Variants in ATP6V1E1 observed in about 807,000 individuals in gnomAD.
ATP6V1E1 encodes the protein ATPase H+ transporting V1 subunit E1, also known as V-type proton ATPase subunit E 1.
ATP6V1E1 carries 21 observed loss-of-function variants against 35.2 expected under a neutral mutation model. That is an observed-to-expected ratio of 0.60 (90% CI 0.42 to 0.86). ATP6V1E1 has a LOEUF of 0.86. Ranked by LOEUF, ATP6V1E1 falls within the 40% of genes least tolerant of loss-of-function variation. The pLI is 0.00. For missense variants in ATP6V1E1, 183 were observed against 272.6 expected, an observed-to-expected ratio of 0.67 and a Z score of 2.32; for synonymous variants, 83 against 87.8, an observed-to-expected ratio of 0.95 and a Z score of 0.30.
At chr22:17,622,051 T>C (rs1420288268) in intron 1 of ATP6V1E1, among the ~76,000 whole-genome samples, 1 of 152,170 alleles carries the variant, frequency 6.6e-6, no homozygotes, top group African/African-American at 2.4e-5. Context: ...ATATAAAATA[T>C]ACCCAAGTAA....
intron 1 of ATP6V1E1, among the ~76,000 whole-genome samples, 194 bp downstream of exon 1, chr22:17,628,409 A>G (rs568583515): frequency 2.4e-4 from 37 of 152,352 alleles, no homozygotes; most frequent in Non-Finnish European, 5.9e-5. Context: ...AGTGCCCAAG[A>G]CCCGAGCAAA....
chr22:17,600,233 G>A lies in ATP6V1E1; in HGVS notation c.367-138C>T, dbSNP rs60335616. ...GCGGATTGCCTGAGCTCAGAAGTTC[G>A]AGACCAGCCTAGGCAACAAGGCAAA... On this transcript the variant is annotated intron_variant, in intron 5 of 8. Transcript: ENST00000253413. 0.014 allele frequency: 9,511 copies of A among 691,122 alleles called. 655 individuals are homozygous for A. In the African/African-American group the frequency reaches 0.15, roughly 11 times the overall value. The allele number at this position is 691,122 out of a possible 1,614,324, so 42.8% of individuals were successfully genotyped here.
intron 4 of ATP6V1E1, among the ~76,000 whole-genome samples, chr22:17,605,693 CTTTTTTTTTTTT>C (rs3044548): frequency 9.6e-6 from 1 of 103,998 alleles, no homozygotes; most frequent in Middle Eastern, 6.5e-3. Flanking sequence ...AGATGTTTCT[CTTTTTTTTTTTT>C]TTTTTTTTTT....
intron 4 of ATP6V1E1, among the ~76,000 whole-genome samples, chr22:17,602,380 CT>C (rs35255555): frequency 8.1e-5 from 12 of 147,272 alleles, no homozygotes; most frequent in Admixed American, 4.1e-4. Context: ...AAACTCAAGG[CT>C]TTTTTTTTTC....
Position 17,594,509 on chromosome 22 carries a change from A to G in ATP6V1E1, c.618+20T>C. 1.3e-6 allele frequency: 2 copies of G among 1,524,120 alleles called. No individual in the cohort carries two copies. The highest frequency in any genetic ancestry group is 1.8e-6 in the Non-Finnish European group (2 of 1,133,176). 94.4% of individuals were successfully genotyped at this position (1,524,120 alleles called of 1,614,324 possible). On this transcript the variant is annotated intron_variant, in intron 8 of 8. Transcript: ENST00000253413. Reference sequence around the variant, plus strand: ...CAAAGTAACAGCAGACCAACTACCAAGAAGTACCCCCACACTCACCTGCTG... The same window carrying G: ...CAAAGTAACAGCAGACCAACTACCAGGAAGTACCCCCACACTCACCTGCTG...
At chr22:17,601,620 T>A (rs1169175730) in intron 4 of ATP6V1E1, among the ~76,000 whole-genome samples, 1 of 152,250 alleles carries the variant, frequency 6.6e-6, no homozygotes, top group Admixed American at 6.5e-5. Flanking sequence ...TGTTTGTTTG[T>A]TTTTGAGATG....
At chr22:17,606,674 C>T (rs1027998763) in intron 4 of ATP6V1E1, among the ~76,000 whole-genome samples, 5 of 152,184 alleles carry the variant, frequency 3.3e-5, no homozygotes, top group East Asian at 3.8e-4. Flanking sequence ...GAACAGGCCA[C>T]GCACGCTGCC....
chr22:17,605,357 C>T (rs1186236887), intron 4 of ATP6V1E1, among the ~76,000 whole-genome samples: 3 of 151,692 alleles, frequency 2.0e-5, no homozygotes, highest in East Asian at 1.9e-4. Flanking sequence ...ATGGAAAAAC[C>T]CCATCTCTTC....
chr22:17,625,334 C>T (rs973675206), intron 1 of ATP6V1E1, among the ~76,000 whole-genome samples: 5 of 152,110 alleles, frequency 3.3e-5, no homozygotes, highest in African/African-American at 1.2e-4. Context: ...GGCATGATCT[C>T]GGCTTGCTGC....
At chr22:17,623,757 G>A (rs1235826062) in intron 1 of ATP6V1E1, among the ~76,000 whole-genome samples, 1 of 152,090 alleles carries the variant, frequency 6.6e-6, no homozygotes, top group East Asian at 1.9e-4. Flanking sequence ...ATTCGGACCT[G>A]GATTATCTGC....
chr22:17,624,671 A>C (rs996379350), intron 1 of ATP6V1E1, among the ~76,000 whole-genome samples: 2 of 152,044 alleles, frequency 1.3e-5, no homozygotes, highest in African/African-American at 4.8e-5. Flanking sequence ...ATACAAAAAA[A>C]TTATCCGGGT....
intron 4 of ATP6V1E1, among the ~76,000 whole-genome samples, chr22:17,607,893 T>C (rs1406321346): frequency 6.6e-6 from 1 of 152,170 alleles, no homozygotes; most frequent in African/African-American, 2.4e-5. Context: ...ATGAAGTCCA[T>C]ATTCTTCAGC....
At chr22:17,623,656 C>CAA (rs11410655) in intron 1 of ATP6V1E1, among the ~76,000 whole-genome samples, 47 of 111,896 alleles carry the variant, frequency 4.2e-4, no homozygotes, top group East Asian at 1.5e-3. Flanking sequence ...GACTCTGTCT[C>CAA]AAAAAAAAAA....
Position 17,594,497 on chromosome 22 carries a change from G to A in ATP6V1E1, c.618+32C>T, listed in dbSNP as rs759548608. 4 of 1,475,524 alleles carry A rather than the reference G, an allele frequency of 2.7e-6. No individual in the cohort carries two copies. The Admixed American group carries it at 7.3e-5, about 27-fold the overall frequency. 91.4% of individuals were successfully genotyped at this position (1,475,524 alleles called of 1,614,324 possible). A position where few individuals can be genotyped will look rare whatever the true frequency, so the allele number is the denominator to read the frequency against. On this transcript the variant is annotated intron_variant, in intron 8 of 8. Transcript: ENST00000253413. ...TCTGTCCCACTTCAAAGTAACAGCAGACCAACTACCAAGAAGTACCCCCAC... is the reference window on the plus strand; with the variant it reads ...TCTGTCCCACTTCAAAGTAACAGCAAACCAACTACCAAGAAGTACCCCCAC...
At chr22:17,600,462 A>T (rs1057005843) in intron 5 of ATP6V1E1, among the ~76,000 whole-genome samples, 3 of 152,116 alleles carry the variant, frequency 2.0e-5, no homozygotes, top group African/African-American at 7.2e-5. Context: ...AATAAAATAA[A>T]GCAACAGTAA....
intron 2 of ATP6V1E1, among the ~76,000 whole-genome samples, chr22:17,614,416 G>T (rs541075537): frequency 6.6e-6 from 1 of 152,070 alleles, no homozygotes; most frequent in East Asian, 1.9e-4. Context: ...CAGCACTTTG[G>T]GGGGCTGAGG....
intron 1 of ATP6V1E1, among the ~76,000 whole-genome samples, chr22:17,623,288 ATCAGCTCCACAAATTTGGGAGT>A (rs1405083598): frequency 1.3e-5 from 2 of 152,202 alleles, no homozygotes; most frequent in Non-Finnish European, 2.9e-5. Flanking sequence ...TGCTTAAAAG[ATCAGCTCCACAAATTTGGGAGT>A]ATGGAGAGGG....
At chr22:17,622,544 T>C (rs1047471485) in intron 1 of ATP6V1E1, among the ~76,000 whole-genome samples, 1 of 152,160 alleles carries the variant, frequency 6.6e-6, no homozygotes, top group Non-Finnish European at 1.5e-5. Flanking sequence ...AAATACCTAA[T>C]GTAGATGATG....
chr22:17,626,745 G>T (rs752418688), intron 1 of ATP6V1E1, among the ~76,000 whole-genome samples: 3 of 152,164 alleles, frequency 2.0e-5, no homozygotes, highest in Non-Finnish European at 4.4e-5. Context: ...GGCCAGGCTG[G>T]TCTGGAACTC....
Sources: allele counts gnomAD v4.1 joint callset (sites outside exome capture counted in the v4.1 genomes callset), GRCh38; gene constraint gnomAD v4.1.1; transcripts MANE v1.5; gene names NCBI Gene and HGNC (gene_info 2026-07-23, HGNC 2026-07-21).